Variants in MARCHF1 observed in about 807,000 individuals in gnomAD.
The protein encoded by MARCHF1 is membrane associated ring-CH-type finger 1.
In MARCHF1, 40 loss-of-function variants were observed where a neutral mutation model predicts 54.2. The ratio of observed to expected loss-of-function variants is 0.74; its 90% CI spans 0.57 to 0.96. The LOEUF (loss-of-function observed/expected upper bound fraction) is 0.96, where lower values mean the gene tolerates loss of function less well. Ranked by LOEUF, MARCHF1 falls within the 40% of genes least tolerant of loss-of-function variation. MARCHF1 has a pLI of 0.00. For synonymous variants in MARCHF1, 236 were observed against 236.3 expected (o/e 1.00, Z 0.01); for missense variants, 586 against 656.5 (o/e 0.89, Z 1.17).
At chr4:163,664,927 T>G (rs1247692428) in intron 5 of MARCHF1, among the ~76,000 whole-genome samples, 2 of 152,004 alleles carry the variant, frequency 1.3e-5, no homozygotes, top group Non-Finnish European at 2.9e-5. Context: ...AAAATTAATA[T>G]AATAAAAATG....
intron 5 of MARCHF1, among the ~76,000 whole-genome samples, chr4:163,670,894 G>A (rs1218236530): frequency 6.6e-6 from 1 of 152,040 alleles, no homozygotes; most frequent in Admixed American, 6.6e-5. Flanking sequence ...TTCCTGTAGT[G>A]CCTAGCAATG....
At chr4:164,322,611 G>C (rs1047332264) in intron 1 of MARCHF1, among the ~76,000 whole-genome samples, 3 of 152,002 alleles carry the variant, frequency 2.0e-5, no homozygotes, top group African/African-American at 7.2e-5. Flanking sequence ...TGCTTGAAGG[G>C]ATGGATACTC....
chr4:164,217,516 T>A (rs1466965712), intron 1 of MARCHF1, among the ~76,000 whole-genome samples: 1 of 152,180 alleles, frequency 6.6e-6, no homozygotes, highest in Non-Finnish European at 1.5e-5. Flanking sequence ...GGAGGGAAGA[T>A]AATTTTTCCC....
chr4:163,639,886 G>GT (rs1439647863), intron 5 of MARCHF1, among the ~76,000 whole-genome samples: 2 of 152,126 alleles, frequency 1.3e-5, no homozygotes, highest in African/African-American at 2.4e-5. Context: ...TTGGTGAAGA[G>GT]TTAGGGGATG....
chr4:164,065,189 C>A (rs1754701309), intron 2 of MARCHF1, among the ~76,000 whole-genome samples: 1 of 152,178 alleles, frequency 6.6e-6, no homozygotes, highest in Non-Finnish European at 1.5e-5. Context: ...AGAAGTCCCT[C>A]CTTTTCAATT....
At chr4:163,741,683 C>G (rs1404268222) in intron 4 of MARCHF1, among the ~76,000 whole-genome samples, 2 of 152,122 alleles carry the variant, frequency 1.3e-5, no homozygotes. Context: ...TTTTCCTTCC[C>G]GTGTCACAGA....
intron 5 of MARCHF1, among the ~76,000 whole-genome samples, chr4:163,679,781 T>C (rs1320909663): frequency 6.6e-6 from 1 of 151,530 alleles, no homozygotes; most frequent in East Asian, 1.9e-4. Flanking sequence ...CCCGGCTAAT[T>C]TTTTGTATTT....
At chr4:164,372,040 A>T (rs1381353895) in intron 1 of MARCHF1, among the ~76,000 whole-genome samples, 4 of 152,226 alleles carry the variant, frequency 2.6e-5, no homozygotes, top group Non-Finnish European at 5.9e-5. Context: ...GCGCCACGGC[A>T]TTCCAGCCTG....
At chr4:164,261,372 G>A (rs13101407) in intron 1 of MARCHF1, among the ~76,000 whole-genome samples, 17,606 of 152,036 alleles carry the variant, frequency 0.12, 1,579 homozygotes, top group African/African-American at 0.25. Context: ...CATTGTGTCA[G>A]TTGTCCAAAA....
intron 4 of MARCHF1, among the ~76,000 whole-genome samples, chr4:163,747,886 C>CG (rs1156518126): frequency 2.0e-5 from 3 of 152,098 alleles, no homozygotes; most frequent in African/African-American, 7.2e-5. Flanking sequence ...CACAGGTATG[C>CG]GGTATAAGAG....
intron 3 of MARCHF1, among the ~76,000 whole-genome samples, chr4:163,988,023 C>T (rs1428390953): frequency 6.6e-6 from 1 of 152,218 alleles, no homozygotes; most frequent in Non-Finnish European, 1.5e-5. Flanking sequence ...TCTTATGAGG[C>T]TCTAACTCAT....
intron 1 of MARCHF1, among the ~76,000 whole-genome samples, chr4:164,140,036 C>G (rs1756490680): frequency 6.6e-6 from 1 of 151,910 alleles, no homozygotes; most frequent in African/African-American, 2.4e-5. Context: ...GACCAGTTAA[C>G]AAATTAAGAC....
chr4:163,809,023 C>G (rs772334909), intron 4 of MARCHF1, among the ~76,000 whole-genome samples: 8 of 152,120 alleles, frequency 5.3e-5, no homozygotes, highest in Non-Finnish European at 1.0e-4. Flanking sequence ...ACAGTAGGTC[C>G]TCTCTTCCTC....
intron 2 of MARCHF1, among the ~76,000 whole-genome samples, chr4:163,990,357 T>TA (rs199677517): frequency 2.4e-4 from 36 of 148,990 alleles, no homozygotes; most frequent in South Asian, 4.2e-4. Context: ...ACTGGACAGT[T>TA]AAAAAAAAAA....
At chr4:163,999,797 C>T (rs1753151162) in intron 2 of MARCHF1, among the ~76,000 whole-genome samples, 1 of 151,332 alleles carries the variant, frequency 6.6e-6, no homozygotes, top group Non-Finnish European at 1.5e-5. Flanking sequence ...TTAATTTGTT[C>T]CCCAACACAA....
chr4:164,060,890 T>G (rs1754602124), intron 2 of MARCHF1, among the ~76,000 whole-genome samples: 1 of 152,190 alleles, frequency 6.6e-6, no homozygotes, highest in African/African-American at 2.4e-5. Context: ...GCTGAATGTG[T>G]AAGTAACCTC....
chr4:163,746,517 G>A (rs1453412738), intron 4 of MARCHF1, among the ~76,000 whole-genome samples: 1 of 152,092 alleles, frequency 6.6e-6, no homozygotes, highest in Admixed American at 6.5e-5. Flanking sequence ...GCTCATGCTG[G>A]TAAATACCAA....
intron 2 of MARCHF1, among the ~76,000 whole-genome samples, chr4:164,014,289 G>T (rs1273430818): frequency 2.0e-5 from 3 of 151,832 alleles, no homozygotes; most frequent in African/African-American, 4.8e-5. Context: ...CTCTTTGTTT[G>T]CTTTTTTCCC....
At chr4:164,228,760 G>A (rs1732327877) in intron 1 of MARCHF1, among the ~76,000 whole-genome samples, 1 of 152,096 alleles carries the variant, frequency 6.6e-6, no homozygotes, top group South Asian at 2.1e-4. Context: ...TGAACAAATG[G>A]GTGAAAATCT....
Sources: gnomAD v4.1 joint callset for allele counts (sites outside exome capture counted in the v4.1 genomes callset) on GRCh38, gnomAD v4.1.1 for gene constraint, MANE v1.5 for transcripts, NCBI Gene and HGNC (gene_info 2026-07-23, HGNC 2026-07-21) for gene names.